Variants in MX1 observed in about 807,000 individuals in gnomAD.
MX1 encodes the protein interferon-induced GTP-binding protein Mx1.
MX1 carries 66 observed loss-of-function variants against 66.4 expected under a neutral mutation model. That is an observed-to-expected ratio of 0.99 (90% confidence interval 0.82 to 1.22). The LOEUF (loss-of-function observed/expected upper bound fraction) is 1.22. MX1 is among the 50% of genes most tolerant of loss of function. The pLI, the probability that MX1 is intolerant of heterozygous loss-of-function variation, is 0.00. For missense variants in MX1, 787 were observed against 834.3 expected (o/e 0.94, Z 0.70); for synonymous variants, 311 against 318.1 (o/e 0.98, Z 0.24).
In MX1 at chr21:41,458,801, GC is replaced by G. The variant is rs1171661621; in HGVS notation, c.*48del. Reference sequence around the variant, plus strand: ...CCGTAGACGTGCACGCACACTGTCTGCCCCCGTTCCCGGGTAGCCACTGGAC... The same window carrying G: ...CCGTAGACGTGCACGCACACTGTCTGCCCCGTTCCCGGGTAGCCACTGGAC... On this transcript the variant is annotated 3_prime_UTR_variant, in exon 17 of 17. Transcript: ENST00000398598. 3 of 1,582,042 alleles carry G rather than the reference GC, an allele frequency of 1.9e-6. No individual in the cohort carries two copies. Among genetic ancestry groups the G allele is most frequent in the Non-Finnish European group, 1.7e-6 (2 of 1,166,136 alleles).
chr21:41,458,886 C>G lies in MX1; in HGVS notation c.*128C>G, dbSNP rs1039469061. On this transcript the variant is annotated 3_prime_UTR_variant, in exon 17 of 17. Coordinates refer to ENST00000398598, the MANE Select transcript of MX1 (RefSeq NM_002462.5). Reference sequence around the variant, plus strand: ...AGTCCGTCTCTGCTTATCCGTTAGCCGTGGTGATTTAGCAGGAAGCTGTGA... The same window carrying G: ...AGTCCGTCTCTGCTTATCCGTTAGCGGTGGTGATTTAGCAGGAAGCTGTGA... 4.2e-6 allele frequency: 6 copies of G among 1,429,728 alleles called. No individual in the cohort carries two copies. Among genetic ancestry groups the G allele is most frequent in the Non-Finnish European group, 5.5e-6 (6 of 1,088,322 alleles). 88.6% of individuals were successfully genotyped at this position (1,429,728 alleles called of 1,614,324 possible).
intron 7 of MX1, among the ~76,000 whole-genome samples, chr21:41,437,958 T>G (rs1311216672): frequency 6.6e-6 from 1 of 152,250 alleles, no homozygotes; most frequent in Non-Finnish European, 1.5e-5. Flanking sequence ...AGGATCAATT[T>G]GAAGTGTCTG....
rs1044779755 is a variant in MX1, at chr21:41,439,923, G to A, written c.591+75G>A. ...AGTGGAGGGGTGGGAGGAGAAAGAG[G>A]GTACTGTATTAGAGTAACCGTGAGT... On this transcript the variant is annotated intron_variant, in intron 8 of 16. Transcript: ENST00000398598. 4.7e-6 allele frequency: 7 copies of A among 1,492,744 alleles called. No individual in the cohort carries two copies. In the African/African-American group the frequency reaches 1.0e-4, roughly 21 times the overall value. The allele number at this position is 1,492,744 out of a possible 1,614,324, so 92.5% of individuals were successfully genotyped here.
chr21:41,440,782 C>A, intron 8 of MX1, 105 bp from the exon 9 acceptor site: 2 of 1,329,506 alleles, frequency 1.5e-6, no homozygotes, highest in Non-Finnish European at 2.2e-6. Context: ...GGGGGAAATA[C>A]CCCTGGGACT....
At chr21:41,452,954 T>C in intron 16 of MX1, 85 bp downstream of exon 16, 2 of 1,509,114 alleles carry the variant, frequency 1.3e-6, no homozygotes, top group South Asian at 2.6e-5. Context: ...GCTCTCTCTG[T>C]AGGTGACGTT....
chr21:41,421,470 T>C (rs1354752768), upstream of MX1: 2 of 155,632 alleles, frequency 1.3e-5, no homozygotes, highest in South Asian at 2.0e-4. Flanking sequence ...CGAGGCCGTA[T>C]TTCAGACTAT....
At chr21:41,421,904 C>T (rs2146010192), upstream of MX1, 1 of 152,488 alleles carries the variant, frequency 6.6e-6, no homozygotes, top group South Asian at 2.1e-4. Flanking sequence ...GACCCCCAAA[C>T]TCCTTATGCT....
upstream of MX1, among the ~76,000 whole-genome samples, chr21:41,425,129 T>C (rs887474241): frequency 2.6e-5 from 4 of 152,196 alleles, no homozygotes; most frequent in African/African-American, 9.7e-5. Context: ...AAATGTTAAC[T>C]GTTTTCATGT....
chr21:41,449,205 T>G lies in MX1; in HGVS notation c.1342T>G (p.Phe448Val). The G allele has an allele frequency of 6.2e-7, 1 of 1,614,098 alleles. No individual in the cohort carries two copies. The highest frequency in any genetic ancestry group is 8.5e-7 in the Non-Finnish European group (1 of 1,180,032). ...NQYRGRELPGFVNYRTFETIV... is the reference protein window; with the variant it reads ...NQYRGRELPGVVNYRTFETIV... ...GTATCGTGGTAGAGAGCTGCCAGGC[T>G]TTGTGAATTACAGGACATTTGAGAC... The change falls in exon 14 of 17, where the codon TTT becomes GTT. Residue 448 changes from phenylalanine to valine, a missense_variant. Coordinates refer to ENST00000398598, the MANE Select transcript of MX1 (RefSeq NM_002462.5).
chr21:41,433,156 G>GC, intron 5 of MX1, among the ~76,000 whole-genome samples: 1 of 152,172 alleles, frequency 6.6e-6, no homozygotes, highest in East Asian at 1.9e-4. Context: ...TCAAAGTGTG[G>GC]CCCCCAGCCC....
chr21:41,442,185 G>A (rs1168875041), intron 10 of MX1, among the ~76,000 whole-genome samples: 3 of 151,956 alleles, frequency 2.0e-5, no homozygotes, highest in Non-Finnish European at 2.9e-5. Flanking sequence ...AATAATTTAC[G>A]TAGCATGGTG....
chr21:41,424,311 A>G (rs531347059), upstream of MX1, among the ~76,000 whole-genome samples: 5 of 151,688 alleles, frequency 3.3e-5, no homozygotes, highest in East Asian at 5.8e-4. Flanking sequence ...TTCCCCTTGG[A>G]TGAACCCCTT....
chr21:41,453,701 T>C (rs914480560), intron 16 of MX1, among the ~76,000 whole-genome samples: 30 of 152,224 alleles, frequency 2.0e-4, no homozygotes, highest in African/African-American at 6.8e-4. Flanking sequence ...TTTGATTTTA[T>C]ACATTTCAGA....
intron 16 of MX1, among the ~76,000 whole-genome samples, chr21:41,458,067 G>C (rs532627358): frequency 6.6e-6 from 1 of 152,062 alleles, no homozygotes; most frequent in South Asian, 2.1e-4. Flanking sequence ...ACAATGGCGC[G>C]ATCCCAGCTC....
chr21:41,429,219 C>G (rs948544245), intron 3 of MX1: 2 of 152,236 alleles, frequency 1.3e-5, no homozygotes, highest in African/African-American at 4.8e-5. Flanking sequence ...CCGGTTTGAA[C>G]TCCCGAGATT....
At chr21:41,451,988 A>G (rs1487529810) in intron 15 of MX1, among the ~76,000 whole-genome samples, 1 of 152,136 alleles carries the variant, frequency 6.6e-6, no homozygotes, top group Non-Finnish European at 1.5e-5. Flanking sequence ...GCCTGGCCCC[A>G]TGATTCACCA....
intron 6 of MX1, among the ~76,000 whole-genome samples, 182 bp from the exon 7 acceptor site, chr21:41,436,833 T>A (rs1016210750): frequency 1.3e-5 from 2 of 152,194 alleles, no homozygotes; most frequent in Non-Finnish European, 2.9e-5. Context: ...TCAGAATGCA[T>A]GTTCTTGAGG....
upstream of MX1, among the ~76,000 whole-genome samples, chr21:41,423,839 G>T (rs1335297266): frequency 2.0e-5 from 3 of 152,202 alleles, no homozygotes; most frequent in Non-Finnish European, 4.4e-5. Context: ...CAAGGGAAGT[G>T]CCTAGGGCGT....
chr21:41,443,545 T>C (rs2090575971), intron 10 of MX1: 1 of 537,470 alleles, frequency 1.9e-6, no homozygotes, highest in Non-Finnish European at 3.4e-6. Context: ...GACACCATGA[T>C]ACACATTTAT....
Sources: allele counts gnomAD v4.1 joint callset (sites outside exome capture counted in the v4.1 genomes callset), GRCh38; gene constraint gnomAD v4.1.1; transcripts MANE v1.5; gene names NCBI Gene and HGNC (gene_info 2026-07-23, HGNC 2026-07-21).